NCOA4: variants seen among roughly 807,000 people sequenced by gnomAD.
NCOA4 encodes 70 kDa AR-activator.
In NCOA4, 31 loss-of-function variants were observed where a neutral mutation model predicts 69.5. That is an observed-to-expected ratio of 0.45 (90% CI 0.34 to 0.60). NCOA4 has a LOEUF of 0.60. NCOA4 is among the 20% of genes least tolerant of loss of function. NCOA4 has a pLI of 0.02. For synonymous variants in NCOA4, 228 were observed against 252.4 expected, an observed-to-expected ratio of 0.90 and a Z score of 0.92; for missense variants, 600 against 719.2, an observed-to-expected ratio of 0.83 and a Z score of 1.90.
intron 1 of NCOA4, among the ~76,000 whole-genome samples, chr10:46,029,860 C>T (rs544268296): frequency 1.3e-5 from 2 of 152,272 alleles, no homozygotes; most frequent in South Asian, 4.1e-4. Context: ...ACATCCTGAA[C>T]ATACAGGCAC....
rs781885650 is a variant in NCOA4, at chr10:46,016,614, C to T, written c.67G>A (p.Ala23Thr). 1 of 1,565,172 alleles carries T rather than the reference C, an allele frequency of 6.4e-7. No individual in the cohort carries two copies. Among genetic ancestry groups the T allele is most frequent in the Admixed American group, 1.7e-5 (1 of 57,486 alleles). The change falls in exon 2 of 10, where the codon GCA (alanine) becomes ACA (threonine). Residue 23 changes from alanine (A) to threonine (T), a missense_variant. Transcript: ENST00000581486. ...ATAGCAAGCTCCAAGTCCCTCCGTG[C>T]ATCACTACACCTCAAAAGGGGTTCT... ...NREPLLRCSD[A>T]RRDLELAIGG...
At chr10:46,016,443 AT>A (rs1839553172) in intron 2 of NCOA4, 96 bp downstream of exon 2, 2 of 1,201,006 alleles carry the variant, frequency 1.7e-6, no homozygotes, top group Non-Finnish European at 2.2e-6. Context: ...ATGGGGTGAA[AT>A]TTTTTGCTGG....
chr10:46,014,047 C>T (rs764565223), intron 5 of NCOA4, among the ~76,000 whole-genome samples: 5 of 151,338 alleles, frequency 3.3e-5, no homozygotes, highest in East Asian at 1.9e-4. Flanking sequence ...TTTTTTTAGG[C>T]GGAGTCTCAC....
intron 9 of NCOA4, chr10:46,009,128 G>A (rs1554920456): frequency 1.2e-5 from 19 of 1,536,426 alleles, no homozygotes; most frequent in East Asian, 4.9e-5. Context: ...ACCCACCTTC[G>A]AGGTAGGTAT....
chr10:46,021,873 C>A (rs948580673), intron 1 of NCOA4, among the ~76,000 whole-genome samples: 90 of 152,124 alleles, frequency 5.9e-4, no homozygotes, highest in African/African-American at 2.1e-3. Flanking sequence ...GCAGGAGAAT[C>A]GCTTGAACCT....
In NCOA4 at chr10:46,006,084, G is replaced by A. The variant is rs1319984160; in HGVS notation, c.*508C>T. 1 of 212,006 alleles carries A rather than the reference G, an allele frequency of 4.7e-6. No homozygotes were observed. The highest frequency in any genetic ancestry group is 9.5e-6 in the Non-Finnish European group (1 of 104,868). 13.1% of individuals were successfully genotyped at this position (212,006 alleles called of 1,614,324 possible). Reference sequence around the variant, plus strand: ...ATATTTTGGTAATCACTATTGACCAGGTTAATTTTTTTGTGCAAAATACAC... The same window carrying A: ...ATATTTTGGTAATCACTATTGACCAAGTTAATTTTTTTGTGCAAAATACAC... On this transcript the variant is annotated 3_prime_UTR_variant, in exon 10 of 10. Transcript: ENST00000581486.
intron 1 of NCOA4, 33 bp from the exon 2 acceptor site, chr10:46,016,727 C>T: frequency 1.5e-6 from 2 of 1,346,624 alleles, no homozygotes; most frequent in Non-Finnish European, 1.9e-6. Context: ...TAAATAGCAC[C>T]ATAATTACAA....
chr10:46,022,420 C>T (rs1260288528), intron 1 of NCOA4: 1 of 450,922 alleles, frequency 2.2e-6, no homozygotes, highest in East Asian at 7.0e-5. Flanking sequence ...AGACTTTTTT[C>T]ACTTCACACG....
In NCOA4 at chr10:46,010,998, G is replaced by A; in HGVS notation, c.923C>T (p.Pro308Leu). Residue 308 changes from proline (P) to leucine (L), a missense_variant, in exon 8 of 10, where the codon CCC (proline) becomes CTC (leucine). Coordinates refer to ENST00000581486, the MANE Select transcript of NCOA4 (RefSeq NM_001145263.2). ...CTTCCGCAGCTTATGGGATTCCTGG[G>A]GAGTCACTAGCCAATCTGATAGGTC... ...EMDLSDWLVT[P>L]QESHKLRKPE... is the part of the protein sequence containing the mutation. The A allele has an allele frequency of 2.5e-6, 4 of 1,613,938 alleles. No homozygotes were observed. Among genetic ancestry groups the A allele is most frequent in the Non-Finnish European group, 3.4e-6 (4 of 1,179,868 alleles).
At position 46,025,687 on chromosome 10, in the gene NCOA4, G is replaced by A. The variant is rs181241872; in HGVS notation, c.-15+4839C>T. Among the ~76,000 whole-genome samples, 343 of 152,260 alleles carry A rather than the reference G, an allele frequency of 2.3e-3. 2 individuals are homozygous for A. The highest frequency in any genetic ancestry group is 7.9e-3 in the African/African-American group (329 of 41,548). ...TCAAGTCACCATCACTAACTACAAAGCCTTTCCTGACTGAGCACCTCACTC... is the reference window on the plus strand; with the variant it reads ...TCAAGTCACCATCACTAACTACAAAACCTTTCCTGACTGAGCACCTCACTC... On this transcript the variant is annotated intron_variant, in intron 1 of 9. Transcript: ENST00000581486.
At position 46,011,021 on chromosome 10, in the gene NCOA4, G is replaced by A; in HGVS notation, c.900C>T (p.Asp300=). The change falls in exon 8 of 10, where the codon GAC becomes GAT. Residue 300 remains aspartate, a synonymous_variant. Transcript: ENST00000581486. ...DQELPDQDEM[D]LSDWLVTPQE... ...GGGGAGTCACTAGCCAATCTGATAG[G>A]TCCATCTCATCTTGATCAGGAAGCT... The A allele has an allele frequency of 2.5e-6, 4 of 1,613,906 alleles. No individual in the cohort carries two copies. The highest frequency in any genetic ancestry group is 3.3e-4 in the Middle Eastern group (2 of 6,056).
At chr10:46,015,343 AAAC>A in intron 2 of NCOA4, 77 bp from the exon 3 acceptor site, 1 of 831,922 alleles carries the variant, frequency 1.2e-6, no homozygotes, top group Non-Finnish European at 1.7e-6. Flanking sequence ...TGAGTTTCTA[AAAC>A]TTTTTTTGGG....
At chr10:46,007,002 A>G (rs1554919966) in intron 9 of NCOA4, among the ~76,000 whole-genome samples, 1 of 152,248 alleles carries the variant, frequency 6.6e-6, no homozygotes, top group Non-Finnish European at 1.5e-5. Flanking sequence ...GAAGGCCACG[A>G]GAGGCTGAAA....
At chr10:46,007,980 C>G (rs1442553115) in intron 9 of NCOA4, among the ~76,000 whole-genome samples, 1 of 152,146 alleles carries the variant, frequency 6.6e-6, no homozygotes, top group East Asian at 1.9e-4. Flanking sequence ...AATGGAACAA[C>G]AAAGCTTGGA....
rs941471054 is a variant in NCOA4, at chr10:46,023,308, G to A, written c.-14-6614C>T. The A allele has an allele frequency of 1.6e-5, 16 of 985,440 alleles. No individual in the cohort carries two copies. The African/African-American group carries it at 2.8e-4, about 17-fold the overall frequency. 61.0% of individuals were successfully genotyped at this position (985,440 alleles called of 1,614,324 possible). On this transcript the variant is annotated intron_variant, in intron 1 of 9. Coordinates refer to ENST00000581486, the MANE Select transcript of NCOA4 (RefSeq NM_001145263.2). ...ACCGGCCTCAAGGGCTCCCGCTACG[G>A]CCCCTGGGCTGCCAGACGTACCTCA...
At chr10:46,013,805 T>C (rs1326095563) in intron 5 of NCOA4, among the ~76,000 whole-genome samples, 166 bp from the exon 6 acceptor site, 3 of 152,226 alleles carry the variant, frequency 2.0e-5, no homozygotes, top group Non-Finnish European at 4.4e-5. Context: ...GAGAATACTC[T>C]ACCACATAAC....
intron 2 of NCOA4, among the ~76,000 whole-genome samples, chr10:46,016,205 G>C (rs1405643048): frequency 6.6e-6 from 1 of 152,222 alleles, no homozygotes; most frequent in African/African-American, 2.4e-5. Flanking sequence ...ATGCAGCTGA[G>C]AGGATACTGC....
At position 46,006,590 on chromosome 10, in the gene NCOA4, C is replaced by T. The variant is rs1554919824; in HGVS notation, c.*2G>A. ...AAGGCTGCTCAACTCTTGTCCATTCCTTCACATCTGTAAAGAGACACCCAC... is the reference window on the plus strand; with the variant it reads ...AAGGCTGCTCAACTCTTGTCCATTCTTTCACATCTGTAAAGAGACACCCAC... On this transcript the variant is annotated 3_prime_UTR_variant, in exon 10 of 10. Coordinates refer to ENST00000581486, the MANE Select transcript of NCOA4 (RefSeq NM_001145263.2). 2 of 1,613,928 alleles carry T rather than the reference C, an allele frequency of 1.2e-6. No homozygotes were observed. The highest frequency in any genetic ancestry group is 1.7e-5 in the Admixed American group (1 of 59,996).
At chr10:46,014,792 C>T in intron 4 of NCOA4, 62 bp downstream of exon 4, 1 of 1,384,260 alleles carries the variant, frequency 7.2e-7, no homozygotes, top group Non-Finnish European at 1.0e-6. Flanking sequence ...ACAAAATCGA[C>T]TTTCTTTTAG....
Sources: gnomAD v4.1 joint callset for allele counts (sites outside exome capture counted in the v4.1 genomes callset) on GRCh38, gnomAD v4.1.1 for gene constraint, MANE v1.5 for transcripts, NCBI Gene and HGNC (gene_info 2026-07-23, HGNC 2026-07-21) for gene names.